The following DPP10 variants were observed in gnomAD, a reference collection of about 807,000 sequenced individuals.
DPP10 encodes inactive dipeptidyl peptidase 10.
In DPP10, 33 loss-of-function variants were observed where a neutral mutation model predicts 120.9. That is an observed-to-expected ratio of 0.27 (90% CI 0.21 to 0.37). The LOEUF (loss-of-function observed/expected upper bound fraction) is 0.37. Among genes scored for constraint, DPP10 ranks in the 10% least tolerant of loss-of-function variants. The pLI, the probability that DPP10 is intolerant of heterozygous loss-of-function variation, is 1.00. For missense variants in DPP10, 816 were observed against 942.8 expected (o/e 0.87, Z 1.76); for synonymous variants, 337 against 326.1 (o/e 1.03, Z -0.36).
chr2:115,262,562 CGTATT>C lies in DPP10; in HGVS notation c.61-46674_61-46670del, dbSNP rs1559331980. On this transcript the variant is annotated intron_variant, in intron 1 of 25. Transcript: ENST00000410059. ...CATATTAATATAACATTTTTATAAA[CGTATT>C]GTTTCTGTTTCAAACATGAGTCTTG... Among the ~76,000 whole-genome samples, 3 of 151,742 alleles carry C rather than the reference CGTATT, an allele frequency of 2.0e-5. No homozygotes were observed. In the South Asian group the frequency reaches 6.2e-4, roughly 32 times the overall value.
intron 1 of DPP10, among the ~76,000 whole-genome samples, chr2:114,737,034 T>C (rs1159498485): frequency 1.3e-5 from 2 of 152,158 alleles, no homozygotes; most frequent in African/African-American, 2.4e-5. Context: ...TCCAAGACAA[T>C]AGACACTAAA....
At chr2:115,404,204 T>A (rs1424183382) in intron 3 of DPP10, among the ~76,000 whole-genome samples, 1 of 152,040 alleles carries the variant, frequency 6.6e-6, no homozygotes, top group East Asian at 1.9e-4. Context: ...CTTACAATCA[T>A]GGTGGAAGGC....
intron 19 of DPP10, among the ~76,000 whole-genome samples, chr2:115,813,928 T>C (rs17045058): frequency 0.018 from 2,783 of 152,328 alleles, 88 homozygotes; most frequent in African/African-American, 0.061. Context: ...AAATGGTCTG[T>C]AAATCTATCA....
chr2:115,414,608 T>C (rs962663591), intron 3 of DPP10, among the ~76,000 whole-genome samples: 2 of 152,188 alleles, frequency 1.3e-5, no homozygotes, highest in Non-Finnish European at 2.9e-5. Flanking sequence ...GCACTCATTT[T>C]TGAAACATTT....
At chr2:114,750,193 G>T (rs935376818) in intron 1 of DPP10, among the ~76,000 whole-genome samples, 1 of 151,988 alleles carries the variant, frequency 6.6e-6, no homozygotes, top group Non-Finnish European at 1.5e-5. Context: ...AAAGTATGTT[G>T]AAGGCTGAGT....
At chr2:114,511,706 C>T (rs1438008188) in intron 1 of DPP10, among the ~76,000 whole-genome samples, 2 of 152,178 alleles carry the variant, frequency 1.3e-5, no homozygotes, top group African/African-American at 4.8e-5. Flanking sequence ...TGAAGACACA[C>T]AGGATATGTC....
At chr2:114,863,457 G>A (rs1689983420) in intron 1 of DPP10, among the ~76,000 whole-genome samples, 1 of 152,138 alleles carries the variant, frequency 6.6e-6, no homozygotes, top group African/African-American at 2.4e-5. Context: ...ATTAGTTAGT[G>A]GTGGTGAGAG....
chr2:115,378,142 G>T (rs1259002883), intron 3 of DPP10, among the ~76,000 whole-genome samples: 1 of 152,084 alleles, frequency 6.6e-6, no homozygotes, highest in Non-Finnish European at 1.5e-5. Flanking sequence ...ATTACCTTGG[G>T]CAGTATGGCC....
chr2:115,143,464 A>T (rs1456239921), intron 1 of DPP10, among the ~76,000 whole-genome samples: 1 of 152,246 alleles, frequency 6.6e-6, no homozygotes, highest in East Asian at 1.9e-4. Context: ...GCCTGAGTAG[A>T]TAAAATATGA....
chr2:115,225,996 A>G (rs568857791), intron 1 of DPP10, among the ~76,000 whole-genome samples: 1 of 152,150 alleles, frequency 6.6e-6, no homozygotes, highest in East Asian at 1.9e-4. Context: ...TCAAAACTCT[A>G]ATTTTTAAAT....
At chr2:115,782,904 A>T (rs1179757928) in intron 17 of DPP10, among the ~76,000 whole-genome samples, 1 of 152,086 alleles carries the variant, frequency 6.6e-6, no homozygotes, top group Non-Finnish European at 1.5e-5. Context: ...TTGTTAAGAG[A>T]TCACCTACTT....
At chr2:114,896,234 T>G (rs1179645217) in intron 1 of DPP10, among the ~76,000 whole-genome samples, 1 of 152,170 alleles carries the variant, frequency 6.6e-6, no homozygotes, top group Admixed American at 6.5e-5. Flanking sequence ...TTTGGTTCCA[T>G]ATGAACTTTA....
chr2:115,564,736 AT>A (rs1401008627), intron 5 of DPP10, among the ~76,000 whole-genome samples: 1 of 152,222 alleles, frequency 6.6e-6, no homozygotes, highest in African/African-American at 2.4e-5. Context: ...TAAAATGTCA[AT>A]TTGAAGCAGT....
intron 5 of DPP10, among the ~76,000 whole-genome samples, chr2:115,671,549 A>G (rs1488737803): frequency 2.0e-5 from 3 of 152,118 alleles, no homozygotes; most frequent in Middle Eastern, 3.4e-3. Flanking sequence ...ACAATATTTT[A>G]GATATGTTAC....
At chr2:115,350,175 A>G (rs2063935260) in intron 3 of DPP10, among the ~76,000 whole-genome samples, 1 of 152,074 alleles carries the variant, frequency 6.6e-6, no homozygotes, top group South Asian at 2.1e-4. Flanking sequence ...GTAAAAATTA[A>G]TATTTAAAAT....
At chr2:115,273,512 A>G (rs555470859) in intron 1 of DPP10, among the ~76,000 whole-genome samples, 63 of 151,968 alleles carry the variant, frequency 4.1e-4, no homozygotes, top group Non-Finnish European at 7.2e-4. Context: ...AATTTTTTGT[A>G]TTTTTAGTAG....
At chr2:115,468,045 A>T in intron 3 of DPP10, 1 of 373,682 alleles carries the variant, frequency 2.7e-6, no homozygotes, top group Non-Finnish European at 5.2e-6. Context: ...ACTTAAAGGG[A>T]AGCTTTTACA....
intron 1 of DPP10, among the ~76,000 whole-genome samples, chr2:114,824,419 G>A (rs1195372359): frequency 1.3e-5 from 2 of 152,114 alleles, no homozygotes; most frequent in African/African-American, 4.8e-5. Flanking sequence ...AAATGACAAT[G>A]GTAATGAGGG....
At chr2:115,005,729 A>G (rs1418838908) in intron 1 of DPP10, among the ~76,000 whole-genome samples, 10 of 152,078 alleles carry the variant, frequency 6.6e-5, no homozygotes, top group Non-Finnish European at 1.3e-4. Flanking sequence ...AAAAGACCAA[A>G]TCTGCGTCTG....
Sources: gnomAD v4.1 joint callset for allele counts (sites outside exome capture counted in the v4.1 genomes callset) on GRCh38, gnomAD v4.1.1 for gene constraint, MANE v1.5 for transcripts, NCBI Gene and HGNC (gene_info 2026-07-23, HGNC 2026-07-21) for gene names.